Variants in LIN54 observed in about 807,000 individuals in gnomAD.
LIN54 encodes lin-54 DREAM MuvB core complex component.
A neutral mutation model predicts 78.7 loss-of-function variants in LIN54; 9 were observed. The observed-to-expected ratio is 0.11, with a 90% CI of 0.07 to 0.20. LIN54 has a LOEUF of 0.20. Among genes scored for constraint, LIN54 ranks in the 10% least tolerant of loss-of-function variants. The pLI is 1.00. For missense variants in LIN54, 573 were observed against 889.9 expected, an observed-to-expected ratio of 0.64 and a Z score of 4.53; for synonymous variants, 269 against 318.4, an observed-to-expected ratio of 0.84 and a Z score of 1.65.
At chr4:82,998,190 C>T (rs564040303) in intron 1 of LIN54, among the ~76,000 whole-genome samples, 3 of 151,604 alleles carry the variant, frequency 2.0e-5, no homozygotes, top group African/African-American at 4.8e-5. Context: ...CATTCTTGTA[C>T]ATAAAGTACT....
rs1175254221 is a variant in LIN54 at position 83,000,897 on chromosome 4, A to G, written c.-33+9587T>C. On this transcript the variant is annotated intron_variant, in intron 1 of 12. Coordinates refer to ENST00000340417, the MANE Select transcript of LIN54 (RefSeq NM_194282.4). ...CGCAATCTTGATCTCAGCTCACTGC[A>G]ACCTCTGCCTCCCAGGTTCAAGCAA... 5.6e-5 allele frequency among the ~76,000 whole-genome samples: 8 copies of G among 142,162 alleles called. No homozygotes were observed. The Admixed American group carries it at 6.2e-4, about 11-fold the overall frequency. The allele number at this position is 142,162 out of a possible 152,430, so 93.3% of individuals were successfully genotyped here. A position where few individuals can be genotyped will look rare whatever the true frequency, so the allele number is the denominator to read the frequency against.
chr4:82,950,246 T>C, intron 4 of LIN54, among the ~76,000 whole-genome samples: 1 of 152,194 alleles, frequency 6.6e-6, no homozygotes, highest in Non-Finnish European at 1.5e-5. Context: ...TAGAGATTCA[T>C]GTAATCAACA....
At chr4:82,975,647 T>C (rs1193392204) in intron 3 of LIN54, among the ~76,000 whole-genome samples, 1 of 150,760 alleles carries the variant, frequency 6.6e-6, no homozygotes, top group African/African-American at 2.4e-5. Context: ...AGGAGGCGGA[T>C]GTTGCAGTGA....
At chr4:82,939,769 A>G in intron 6 of LIN54, 33 bp from the exon 7 acceptor site, 1 of 1,612,226 alleles carries the variant, frequency 6.2e-7, no homozygotes, top group South Asian at 1.1e-5. Flanking sequence ...AATGACCACA[A>G]AATAAATTTT....
rs187343824 is a variant in LIN54, at chr4:82,947,012, C to T, written c.952-538G>A. 3.3e-5 allele frequency among the ~76,000 whole-genome samples: 5 copies of T among 151,468 alleles called. No homozygotes were observed. In the East Asian group the frequency reaches 5.8e-4, roughly 18 times the overall value. On this transcript the variant is annotated intron_variant, in intron 4 of 12. Coordinates refer to ENST00000340417, the MANE Select transcript of LIN54 (RefSeq NM_194282.4). ...CAGGTGATCCACCTGCCTCAGCCCC[C>T]CAAAGTGCTGCTTTTTCCCAAAAGA...
chr4:82,961,706 G>A (rs932206819), intron 4 of LIN54, among the ~76,000 whole-genome samples: 1 of 152,184 alleles, frequency 6.6e-6, no homozygotes, highest in Non-Finnish European at 1.5e-5. Flanking sequence ...TGTAATCCCA[G>A]CACTGACAGG....
chr4:82,995,489 CTTTTTTTTTTTT>C (rs749880882), intron 1 of LIN54, among the ~76,000 whole-genome samples: 5 of 76,346 alleles, frequency 6.5e-5, no homozygotes, highest in East Asian at 3.9e-4. Context: ...ATCCTTATCT[CTTTTTTTTTTTT>C]TTTTTTTTTT....
chr4:82,990,055 C>T (rs1234174985), intron 1 of LIN54, among the ~76,000 whole-genome samples: 2 of 152,188 alleles, frequency 1.3e-5, no homozygotes, highest in Non-Finnish European at 2.9e-5. Context: ...TCTCCCCATC[C>T]CCACTGCCCT....
rs150968334 is a variant in LIN54 at position 82,928,899 on chromosome 4, A to G, written c.2049-596T>C. ...ATGTTCTGTACACAGAGTTGCATTC[A>G]TAAAGACCTGAGCTATTGAGTATTA... is the stretch of plus-strand genomic sequence containing the variant. On this transcript the variant is annotated intron_variant, in intron 12 of 12. Transcript: ENST00000340417. Among the ~76,000 whole-genome samples, 9 of 152,384 alleles carry G rather than the reference A, an allele frequency of 5.9e-5. 1 individual carries two copies. In the East Asian group the frequency reaches 1.7e-3, roughly 29 times the overall value.
intron 3 of LIN54, among the ~76,000 whole-genome samples, chr4:82,973,346 T>C (rs1425903191): frequency 6.6e-6 from 1 of 152,198 alleles, no homozygotes; most frequent in Non-Finnish European, 1.5e-5. Context: ...AACCTTGATA[T>C]CCTTTGAAAT....
At chr4:82,997,804 C>T (rs1243072072) in intron 1 of LIN54, among the ~76,000 whole-genome samples, 1 of 151,318 alleles carries the variant, frequency 6.6e-6, no homozygotes, top group Non-Finnish European at 1.5e-5. Flanking sequence ...ACCAGCCTGG[C>T]CAACATGGTG....
intron 12 of LIN54, 114 bp downstream of exon 12, chr4:82,930,829 C>A: frequency 1.1e-6 from 1 of 876,752 alleles, no homozygotes; most frequent in Non-Finnish European, 1.8e-6. Flanking sequence ...GGAAAGAAAA[C>A]ACAAAAATCA....
chr4:82,936,732 A>G (rs963856928), intron 9 of LIN54, among the ~76,000 whole-genome samples: 2 of 152,172 alleles, frequency 1.3e-5, no homozygotes, highest in Non-Finnish European at 2.9e-5. Context: ...AAAAGGAAAA[A>G]CACTAGCTAT....
chr4:82,934,306 T>C (rs1256295301), intron 11 of LIN54, among the ~76,000 whole-genome samples: 2 of 152,198 alleles, frequency 1.3e-5, no homozygotes, highest in Non-Finnish European at 2.9e-5. Context: ...CTTGGGAAGC[T>C]GAGGCAGGAG....
intron 4 of LIN54, among the ~76,000 whole-genome samples, chr4:82,965,856 G>A (rs951598687): frequency 6.6e-6 from 1 of 152,168 alleles, no homozygotes; most frequent in Non-Finnish European, 1.5e-5. Context: ...GGTGGGTAGG[G>A]AAGGGTGAGT....
intron 1 of LIN54, among the ~76,000 whole-genome samples, chr4:82,987,450 T>A (rs937984669): frequency 3.3e-5 from 5 of 152,172 alleles, no homozygotes; most frequent in African/African-American, 1.2e-4. Flanking sequence ...GTGCAGAACA[T>A]GCAGGTTTGT....
In LIN54 at chr4:82,937,310, G is replaced by GA. The variant is rs1412321004; in HGVS notation, c.1533-13dup. ...CTGATGGGATTATGCTGTACAGATA[G>GA]AAAAAAAGATATACATTTAATCAAT... On this transcript the variant is annotated splice_polypyrimidine_tract_variant and intron_variant, in intron 8 of 12. Coordinates refer to ENST00000340417, the MANE Select transcript of LIN54 (RefSeq NM_194282.4). 13 of 1,519,070 alleles carry GA rather than the reference G, an allele frequency of 8.6e-6. No homozygotes were observed. Among genetic ancestry groups the GA allele is most frequent in the South Asian group, 6.3e-5 (5 of 79,448 alleles). The allele number at this position is 1,519,070 out of a possible 1,614,324, so 94.1% of individuals were successfully genotyped here.
intron 2 of LIN54, 87 bp from the exon 3 acceptor site, chr4:82,979,093 G>T: frequency 2.9e-6 from 3 of 1,051,174 alleles, no homozygotes; most frequent in Non-Finnish European, 2.8e-6. Context: ...ACACAAAGTA[G>T]CACATGTAAA....
intron 1 of LIN54, among the ~76,000 whole-genome samples, chr4:82,996,985 A>G (rs977820986): frequency 1.3e-5 from 2 of 152,056 alleles, no homozygotes; most frequent in Non-Finnish European, 2.9e-5. Flanking sequence ...TATCACAATC[A>G]GAAGTATCTT....
Sources: allele counts gnomAD v4.1 joint callset (sites outside exome capture counted in the v4.1 genomes callset), GRCh38; gene constraint gnomAD v4.1.1; transcripts MANE v1.5; gene names NCBI Gene and HGNC (gene_info 2026-07-23, HGNC 2026-07-21).